Variants in FBN1 observed in about 807,000 individuals in gnomAD.
The protein encoded by FBN1 is fibrillin-1.
In FBN1, 29 loss-of-function variants were observed where a neutral mutation model predicts 365.1. That is an observed-to-expected ratio of 0.08 (90% CI 0.06 to 0.11). The LOEUF (loss-of-function observed/expected upper bound fraction) is 0.11. Among genes scored for constraint, FBN1 ranks in the 10% least tolerant of loss-of-function variants. FBN1 has a pLI of 1.00. For synonymous variants in FBN1, 1,210 were observed against 1,270.5 expected (o/e 0.95, Z 1.01); for missense variants, 2,476 against 3,703.2 (o/e 0.67, Z 8.60).
chr15:48,466,276 C>T (rs2043321035), intron 38 of FBN1, among the ~76,000 whole-genome samples: 2 of 152,216 alleles, frequency 1.3e-5, no homozygotes, highest in South Asian at 2.1e-4. Flanking sequence ...CTTTCCAAAA[C>T]CCTTTCCAAA....
chr15:48,454,573 C>A (rs1566901006), intron 44 of FBN1, among the ~76,000 whole-genome samples: 1 of 152,240 alleles, frequency 6.6e-6, no homozygotes, highest in Non-Finnish European at 1.5e-5. Flanking sequence ...CTCTTCCCTG[C>A]TCCAGTGGAA....
Position 48,513,678 on chromosome 15 carries a change from A to G in FBN1, c.1469-10T>C, listed in dbSNP as rs751082212. The G allele has an allele frequency of 6.2e-7, 1 of 1,613,880 alleles. No homozygotes were observed. Among genetic ancestry groups the G allele is most frequent in the South Asian group, 1.1e-5 (1 of 91,080 alleles). On this transcript the variant is annotated splice_polypyrimidine_tract_variant and intron_variant, in intron 12 of 65. Coordinates refer to ENST00000316623, the MANE Select transcript of FBN1 (RefSeq NM_000138.5). ...TCACATTCATCAACATCTGCAAAGC[A>G]CAATGTATTTTAGTGCAAAATTACA... is the stretch of plus-strand genomic sequence containing the variant.
intron 2 of FBN1, among the ~76,000 whole-genome samples, chr15:48,633,292 C>T (rs549620545): frequency 2.6e-5 from 4 of 152,104 alleles, no homozygotes; most frequent in African/African-American, 4.8e-5. Context: ...GAATTTTTTT[C>T]TTTCTTTAGC....
chr15:48,439,276 T>C (rs1597527791), intron 50 of FBN1, among the ~76,000 whole-genome samples: 1 of 152,184 alleles, frequency 6.6e-6, no homozygotes, highest in Non-Finnish European at 1.5e-5. Context: ...TCCAGATAAA[T>C]CATCTCTCTA....
intron 53 of FBN1, among the ~76,000 whole-genome samples, chr15:48,436,163 A>C (rs1165247101): frequency 1.3e-5 from 2 of 152,168 alleles, no homozygotes; most frequent in African/African-American, 4.8e-5. Flanking sequence ...TTCTGTTTCA[A>C]GTTAATAAAA....
At position 48,544,967 on chromosome 15, in the gene FBN1, C is replaced by G. The variant is rs866221266; in HGVS notation, c.539-7159G>C. 8.5e-5 allele frequency among the ~76,000 whole-genome samples: 13 copies of G among 152,260 alleles called. 1 individual carries two copies. In the South Asian group the frequency reaches 2.7e-3, roughly 32 times the overall value. On this transcript the variant is annotated intron_variant, in intron 6 of 65. Transcript: ENST00000316623. ...TTTCATTCTTAATGGTCTGCAAATT[C>G]CACTTTAAAGAACCAGTTGGCTCTG...
intron 6 of FBN1, among the ~76,000 whole-genome samples, chr15:48,551,033 C>A (rs777927102): frequency 4.6e-5 from 7 of 152,020 alleles, no homozygotes; most frequent in Non-Finnish European, 8.8e-5. Flanking sequence ...AGTCTAAATC[C>A]TTAATCTTTT....
chr15:48,449,568 T>C (rs1008082665), intron 45 of FBN1, among the ~76,000 whole-genome samples: 7 of 152,222 alleles, frequency 4.6e-5, no homozygotes, highest in Non-Finnish European at 1.0e-4. Flanking sequence ...TATCATCAAC[T>C]GAATCTTTGT....
chr15:48,622,747 T>C (rs1489804469), intron 2 of FBN1, among the ~76,000 whole-genome samples: 1 of 152,148 alleles, frequency 6.6e-6, no homozygotes, highest in Admixed American at 6.6e-5. Flanking sequence ...TCTTTACCTA[T>C]ACCTTCAACT....
chr15:48,464,836 C>G (rs370275232), intron 40 of FBN1, among the ~76,000 whole-genome samples: 38 of 152,142 alleles, frequency 2.5e-4, no homozygotes, highest in African/African-American at 9.2e-4. Flanking sequence ...GGAGTTGATT[C>G]TAATCTTTGT....
intron 6 of FBN1, among the ~76,000 whole-genome samples, chr15:48,584,266 G>C (rs546651357): frequency 6.6e-6 from 1 of 152,198 alleles, no homozygotes; most frequent in South Asian, 2.1e-4. Flanking sequence ...GTGCCTGAGA[G>C]ACATGCAGTA....
intron 2 of FBN1, among the ~76,000 whole-genome samples, chr15:48,615,109 T>C (rs1055716427): frequency 1.3e-5 from 2 of 152,082 alleles, no homozygotes; most frequent in African/African-American, 2.4e-5. Context: ...ATAAAAGTTC[T>C]CTCAATTTGA....
intron 45 of FBN1, among the ~76,000 whole-genome samples, chr15:48,449,193 T>C (rs2043181581): frequency 6.6e-6 from 1 of 152,210 alleles, no homozygotes; most frequent in Non-Finnish European, 1.5e-5. Context: ...TCTGTTTGAT[T>C]ATCGGCCTAC....
chr15:48,583,285 C>G (rs1044995458), intron 6 of FBN1, among the ~76,000 whole-genome samples: 4 of 152,190 alleles, frequency 2.6e-5, no homozygotes, highest in African/African-American at 7.2e-5. Flanking sequence ...ATAGACTTAA[C>G]AAAACTGAAC....
chr15:48,442,129 GA>G (rs1458579679), intron 49 of FBN1, among the ~76,000 whole-genome samples: 1 of 152,182 alleles, frequency 6.6e-6, no homozygotes, highest in Non-Finnish European at 1.5e-5. Flanking sequence ...TGGCTAACTA[GA>G]AAAGTCAGAG....
intron 57 of FBN1, chr15:48,428,015 C>T (rs777951185): frequency 1.2e-5 from 8 of 683,284 alleles, no homozygotes; most frequent in Non-Finnish European, 1.9e-5. Context: ...ATAACTCTCT[C>T]TGCTCCCAGA....
intron 23 of FBN1, among the ~76,000 whole-genome samples, chr15:48,493,996 T>C (rs370231964): frequency 1.3e-4 from 20 of 152,378 alleles, no homozygotes; most frequent in African/African-American, 4.8e-4. Context: ...CCACCCACCC[T>C]GTCCTTTGGA....
intron 44 of FBN1, 146 bp from the exon 45 acceptor site, chr15:48,452,830 T>C: frequency 1.1e-6 from 1 of 923,134 alleles, no homozygotes; most frequent in Non-Finnish European, 1.7e-6. Context: ...CTTTATTTAT[T>C]GCCAGAATTT....
At chr15:48,550,198 T>C (rs2044131032) in intron 6 of FBN1, among the ~76,000 whole-genome samples, 1 of 152,226 alleles carries the variant, frequency 6.6e-6, no homozygotes, top group Admixed American at 6.5e-5. Flanking sequence ...GACGCCCTCG[T>C]GGCCTTTCAG....
Sources: gnomAD v4.1 joint callset for allele counts (sites outside exome capture counted in the v4.1 genomes callset) on GRCh38, gnomAD v4.1.1 for gene constraint, MANE v1.5 for transcripts, NCBI Gene and HGNC (gene_info 2026-07-23, HGNC 2026-07-21) for gene names.